Variants in ZNF138 observed in about 807,000 individuals in gnomAD.
ZNF138 encodes the protein zinc finger protein 138 (clone pHZ-32).
A neutral mutation model predicts 33.0 loss-of-function variants in ZNF138; 33 were observed. The ratio of observed to expected loss-of-function variants is 1.00; its 90% CI spans 0.76 to 1.34. The LOEUF (loss-of-function observed/expected upper bound fraction) is 1.34. Among genes scored for constraint, ZNF138 ranks in the 40% most tolerant of loss-of-function variants. ZNF138 has a pLI of 0.00. For missense variants in ZNF138, 360 were observed against 370.8 expected (o/e 0.97, Z 0.24); for synonymous variants, 139 against 120.4 (o/e 1.15, Z -1.01).
chr7:64,811,590 C>G (rs979349674), intron 1 of ZNF138, among the ~76,000 whole-genome samples: 2 of 152,178 alleles, frequency 1.3e-5, no homozygotes, highest in East Asian at 3.9e-4. Flanking sequence ...AGGTGATCCA[C>G]CTGTTTTGGA....
intron 1 of ZNF138, among the ~76,000 whole-genome samples, chr7:64,798,303 T>G (rs574015987): frequency 2.0e-5 from 3 of 152,288 alleles, no homozygotes; most frequent in Admixed American, 1.3e-4. Context: ...AGGAGAAACA[T>G]AAAATGGGGT....
At chr7:64,802,958 T>C (rs1787268481) in intron 1 of ZNF138, among the ~76,000 whole-genome samples, 1 of 151,960 alleles carries the variant, frequency 6.6e-6, no homozygotes, top group Non-Finnish European at 1.5e-5. Context: ...GACAATGGCA[T>C]GAGTGACTAT....
the ZNF138 span, among the ~76,000 whole-genome samples, chr7:64,846,382 A>G: frequency 7.2e-5 from 11 of 152,074 alleles, no homozygotes; most frequent in Non-Finnish European, 1.6e-4. Context: ...TATTGATTCT[A>G]CCCATCCATG....
chr7:64,824,662 TA>T (rs1011620949), intron 3 of ZNF138, among the ~76,000 whole-genome samples: 2 of 152,200 alleles, frequency 1.3e-5, no homozygotes, highest in African/African-American at 4.8e-5. Flanking sequence ...CATAGACAAA[TA>T]TAATAGTTAT....
the ZNF138 span, among the ~76,000 whole-genome samples, chr7:64,841,892 A>G: frequency 6.6e-6 from 1 of 152,216 alleles, no homozygotes; most frequent in East Asian, 1.9e-4. Context: ...AGATCAGAGG[A>G]TTAAATAACT....
At chr7:64,795,149 G>A (rs539562646) in intron 1 of ZNF138, among the ~76,000 whole-genome samples, 1 of 152,230 alleles carries the variant, frequency 6.6e-6, no homozygotes, top group African/African-American at 2.4e-5. Flanking sequence ...AATGAAGGAG[G>A]AAATTTCCTG....
the ZNF138 span, among the ~76,000 whole-genome samples, chr7:64,852,097 A>G: frequency 6.6e-6 from 1 of 152,242 alleles, no homozygotes; most frequent in Non-Finnish European, 1.5e-5. Flanking sequence ...CACATTTAAA[A>G]AGAGCCTATT....
Position 64,832,288 on chromosome 7 carries a change from C to T in ZNF138, c.*86C>T. 2 of 1,588,774 alleles carry T rather than the reference C, an allele frequency of 1.3e-6. No homozygotes were observed. Among genetic ancestry groups the T allele is most frequent in the East Asian group, 2.2e-5 (1 of 44,626 alleles). On this transcript the variant is annotated 3_prime_UTR_variant, in exon 4 of 4. Coordinates refer to ENST00000307355, the MANE Select transcript of ZNF138 (RefSeq NM_001271639.2). ...GGCAAAGCCTTTAACCAGTTTTCAA[C>T]CCTTATTACACATAAGATAATTCAT...
chr7:64,844,440 G>A, the ZNF138 span, among the ~76,000 whole-genome samples: 2 of 152,014 alleles, frequency 1.3e-5, no homozygotes, highest in Non-Finnish European at 2.9e-5. Flanking sequence ...TAGCAAAAGG[G>A]AACTTGGGCT....
the ZNF138 span, among the ~76,000 whole-genome samples, chr7:64,854,450 A>G: frequency 6.6e-6 from 1 of 152,240 alleles, no homozygotes; most frequent in Non-Finnish European, 1.5e-5. Context: ...CAACTTTGCC[A>G]GGCTAGTCTT....
chr7:64,812,061 GGAAGCATTCATGTT>G (rs1358698662), intron 1 of ZNF138, among the ~76,000 whole-genome samples: 1 of 152,066 alleles, frequency 6.6e-6, no homozygotes, highest in African/African-American at 2.4e-5. Flanking sequence ...TATTCTGGGT[GGAAGCATTCATGTT>G]GTTTTAATTA....
chr7:64,794,442 G>T lies in ZNF138; in HGVS notation c.-127G>T. On this transcript the variant is annotated 5_prime_UTR_variant, in exon 1 of 4. Coordinates refer to ENST00000307355, the MANE Select transcript of ZNF138 (RefSeq NM_001271639.2). Reference sequence around the variant, plus strand: ...GCGGGGTCTTTGTCTCGCTGCAGCGGGTGCTGCAGGTCTGGCCTTCACTTT... The same window carrying T: ...GCGGGGTCTTTGTCTCGCTGCAGCGTGTGCTGCAGGTCTGGCCTTCACTTT... 4.4e-6 allele frequency: 6 copies of T among 1,369,720 alleles called. No homozygotes were observed. Among genetic ancestry groups the T allele is most frequent in the Non-Finnish European group, 5.1e-6 (5 of 972,316 alleles). 84.8% of individuals were successfully genotyped at this position (1,369,720 alleles called of 1,614,324 possible). A position where few individuals can be genotyped will look rare whatever the true frequency, so the allele number is the denominator to read the frequency against.
At chr7:64,804,313 G>A (rs186606295) in intron 1 of ZNF138, among the ~76,000 whole-genome samples, 79 of 152,166 alleles carry the variant, frequency 5.2e-4, no homozygotes, top group African/African-American at 1.8e-3. Context: ...TCTAATTACC[G>A]GTGCATGCAG....
chr7:64,815,100 T>G (rs1455307029), intron 2 of ZNF138, 56 bp downstream of exon 2: 3 of 1,417,172 alleles, frequency 2.1e-6, no homozygotes, highest in Non-Finnish European at 2.8e-6. Flanking sequence ...TCATTTTTTT[T>G]TTTTTTTGGG....
chr7:64,818,257 A>G (rs984426817), intron 3 of ZNF138, among the ~76,000 whole-genome samples: 7 of 151,808 alleles, frequency 4.6e-5, no homozygotes, highest in Admixed American at 4.6e-4. Context: ...ATGTGCTGGG[A>G]TTACAGGTGC....
At position 64,798,726 on chromosome 7, in the gene ZNF138, C is replaced by T. The variant is rs528101170; in HGVS notation, c.3+4155C>T. On this transcript the variant is annotated intron_variant, in intron 1 of 3. Transcript: ENST00000307355. The stretch of plus-strand genomic sequence containing the variant: ...CCTGGAGGCGGAGGTTGTGGTGAGC[C>T]GAGATTGAGCCATTGCACTCCAGCC... Among the ~76,000 whole-genome samples, 14 of 147,072 alleles carry T rather than the reference C, an allele frequency of 9.5e-5. No homozygotes were observed. In the East Asian group the frequency reaches 1.2e-3, roughly 13 times the overall value.
At chr7:64,847,315 C>CATATATATATATATATATATATAT in the ZNF138 span, among the ~76,000 whole-genome samples, 1 of 104,236 alleles carries the variant, frequency 9.6e-6, no homozygotes, top group African/African-American at 4.2e-5. Flanking sequence ...TCTTCTAATA[C>CATATATATATATATATATATATAT]ATATATATAT....
In ZNF138 at chr7:64,794,452, G is replaced by A. The variant is rs1348603508; in HGVS notation, c.-117G>A. On this transcript the variant is annotated 5_prime_UTR_variant, in exon 1 of 4. Transcript: ENST00000307355. ...TGTCTCGCTGCAGCGGGTGCTGCAG[G>A]TCTGGCCTTCACTTTTCTGCGTCCT... The A allele has an allele frequency of 1.1e-5, 15 of 1,350,348 alleles. No individual in the cohort carries two copies. The highest frequency in any genetic ancestry group is 3.9e-5 in the East Asian group (1 of 25,528). The allele number at this position is 1,350,348 out of a possible 1,614,324, so 83.6% of individuals were successfully genotyped here.
At chr7:64,831,244 C>T (rs1880656) in intron 3 of ZNF138, among the ~76,000 whole-genome samples, 44,837 of 152,020 alleles carry the variant, frequency 0.29, 7,465 homozygotes, top group Non-Finnish European at 0.37. Flanking sequence ...ACCTGGGGCA[C>T]TGCACACACT....
Sources: allele counts gnomAD v4.1 joint callset (sites outside exome capture counted in the v4.1 genomes callset), GRCh38; gene constraint gnomAD v4.1.1; transcripts MANE v1.5; gene names NCBI Gene and HGNC (gene_info 2026-07-23, HGNC 2026-07-21).